Variants in HSPA12A observed in about 807,000 individuals in gnomAD.
HSPA12A encodes the protein heat shock protein family A (Hsp70) member 12A, also known as heat shock 70 kDa protein 12A.
A neutral mutation model predicts 69.2 loss-of-function variants in HSPA12A; 28 were observed. That is an observed-to-expected ratio of 0.40 (90% CI 0.30 to 0.55). The LOEUF (loss-of-function observed/expected upper bound fraction) is 0.55. HSPA12A is among the 20% of genes least tolerant of loss of function. The probability of loss-of-function intolerance (pLI) is 0.38; values close to 1 mark genes in which losing one functional copy is unlikely to be tolerated. For synonymous variants in HSPA12A, 345 were observed against 370.5 expected (o/e 0.93, Z 0.79); for missense variants, 686 against 900.7 (o/e 0.76, Z 3.05).
intron 2 of HSPA12A, among the ~76,000 whole-genome samples, chr10:116,801,685 T>C (rs1193791166): frequency 6.6e-6 from 1 of 152,100 alleles, no homozygotes; most frequent in African/African-American, 2.4e-5. Context: ...GTGGTAAGTT[T>C]AATAGCTTTG....
rs546989235 is a variant in HSPA12A, at chr10:116,834,078, T to C, written c.91+857A>G. Among the ~76,000 whole-genome samples the C allele has an allele frequency of 8.5e-5, 13 of 152,242 alleles. No individual in the cohort carries two copies. In the East Asian group the frequency reaches 2.3e-3, roughly 27 times the overall value. On this transcript the variant is annotated intron_variant, in intron 2 of 12. Coordinates refer to the HSPA12A transcript ENST00000635765. The stretch of plus-strand genomic sequence containing the variant: ...GGCAGCAGTAAAAGAAAAAGGATCA[T>C]AGAAGCGCTCAGATCTCGCCAGGCC...
intron 1 of HSPA12A, among the ~76,000 whole-genome samples, chr10:116,711,268 A>G (rs56148929): frequency 2.5e-3 from 384 of 152,298 alleles, no homozygotes; most frequent in Non-Finnish European, 3.0e-3. Context: ...GGGATAGTCC[A>G]GTTCAGTCCC....
intron 1 of HSPA12A, among the ~76,000 whole-genome samples, chr10:116,739,722 G>A (rs1003435951): frequency 6.6e-6 from 1 of 152,102 alleles, no homozygotes; most frequent in Non-Finnish European, 1.5e-5. Context: ...CCTCAAGTGT[G>A]GCCCTTCAGA....
At chr10:116,756,735 A>G (rs1223108510) in intron 2 of HSPA12A, among the ~76,000 whole-genome samples, 2 of 152,242 alleles carry the variant, frequency 1.3e-5, no homozygotes, top group Non-Finnish European at 2.9e-5. Flanking sequence ...TCATTTGTGC[A>G]CTAAAACAAG....
intron 1 of HSPA12A, among the ~76,000 whole-genome samples, chr10:116,712,518 G>C (rs1345202915): frequency 6.6e-6 from 1 of 152,098 alleles, no homozygotes. Flanking sequence ...CTTCATCTGG[G>C]TTCCTGCTGT....
intron 1 of HSPA12A, among the ~76,000 whole-genome samples, chr10:116,712,012 A>G (rs868936283): frequency 1.3e-5 from 2 of 152,042 alleles, no homozygotes; most frequent in African/African-American, 4.8e-5. Flanking sequence ...AAGAATGCAA[A>G]CTACTAGCCA....
At chr10:116,771,113 G>A (rs748650468) in intron 2 of HSPA12A, among the ~76,000 whole-genome samples, 1 of 152,286 alleles carries the variant, frequency 6.6e-6, no homozygotes, top group Non-Finnish European at 1.5e-5. Flanking sequence ...TCCCGAGTCT[G>A]TAGATGGAGA....
In HSPA12A at chr10:116,710,485, G is replaced by A. The variant is rs1367235736; in HGVS notation, c.41-3200C>T. ...TGGAACACATGTCTTGGGTCCCCAG[G>A]GGACTCTAGGATACTTTGAGGGCAA... On this transcript the variant is annotated intron_variant, in intron 1 of 11. Transcript: ENST00000369209. The surrounding 1 kb of genome is among the most constrained non-coding windows in gnomAD (Gnocchi z 4.1). 1.3e-5 allele frequency among the ~76,000 whole-genome samples: 2 copies of A among 152,060 alleles called. No homozygotes were observed. The highest frequency in any genetic ancestry group is 2.9e-5 in the Non-Finnish European group (2 of 68,018).
Position 116,672,519 on chromosome 10 carries a change from G to A in HSPA12A, c.*2262C>T, listed in dbSNP as rs138118199. Reference sequence around the variant, plus strand: ...CCCTAGGCACCTCTGTCTATTGCTCGGTCTTGCGTACATAGTCCATAGCTT... The same window carrying A: ...CCCTAGGCACCTCTGTCTATTGCTCAGTCTTGCGTACATAGTCCATAGCTT... On this transcript the variant is annotated 3_prime_UTR_variant, in exon 12 of 12. Coordinates refer to ENST00000369209, the MANE Select transcript of HSPA12A (RefSeq NM_025015.3). The A allele has an allele frequency of 3.3e-5, 5 of 152,396 alleles. No homozygotes were observed. Among genetic ancestry groups the A allele is most frequent in the African/African-American group, 1.2e-4 (5 of 41,544 alleles). 9.4% of individuals were successfully genotyped at this position (152,396 alleles called of 1,614,324 possible).
At chr10:116,780,697 C>A (rs113635656) in intron 2 of HSPA12A, among the ~76,000 whole-genome samples, 10 of 151,960 alleles carry the variant, frequency 6.6e-5, no homozygotes, top group Middle Eastern at 3.2e-3. Flanking sequence ...AATTATGATG[C>A]GTGCTTCTTC....
At chr10:116,742,586 G>A (rs1851551482), upstream of HSPA12A, 2 of 1,126,494 alleles carry the variant, frequency 1.8e-6, no homozygotes, top group Non-Finnish European at 2.2e-6. Context: ...GGCAGCGGGA[G>A]CGCTGCTCTG....
intron 1 of HSPA12A, among the ~76,000 whole-genome samples, chr10:116,741,665 C>G (rs1851511710): frequency 6.6e-6 from 1 of 152,112 alleles, no homozygotes; most frequent in Non-Finnish European, 1.5e-5. Flanking sequence ...CCCCCTTCCC[C>G]GTCCTCTCCG....
rs559545361 is a variant in HSPA12A at position 116,740,071 on chromosome 10, G to A, written c.40+2359C>T. ...AAAAACATTCTGGAAATCCTTCCCAGGAAGCACAACCATTTTTTTATGTCC... is the reference window on the plus strand; with the variant it reads ...AAAAACATTCTGGAAATCCTTCCCAAGAAGCACAACCATTTTTTTATGTCC... On this transcript the variant is annotated intron_variant, in intron 1 of 11. Coordinates refer to ENST00000369209, the MANE Select transcript of HSPA12A (RefSeq NM_025015.3). Among the ~76,000 whole-genome samples the A allele has an allele frequency of 4.6e-5, 7 of 152,318 alleles. No homozygotes were observed. The East Asian group carries it at 1.4e-3, about 29-fold the overall frequency.
intron 6 of HSPA12A, among the ~76,000 whole-genome samples, chr10:116,689,286 G>C (rs1325309233): frequency 7.2e-5 from 11 of 151,956 alleles, no homozygotes; most frequent in African/African-American, 2.7e-4. Context: ...AAGCCTGAAA[G>C]GAGGGGCTCC....
At chr10:116,793,748 T>C (rs1400732958) in intron 2 of HSPA12A, among the ~76,000 whole-genome samples, 3 of 150,970 alleles carry the variant, frequency 2.0e-5, no homozygotes, top group Non-Finnish European at 4.4e-5. Context: ...ACTAAAATAA[T>C]GGAAACAGAA....
chr10:116,691,838 C>A (rs1849746179), intron 6 of HSPA12A, among the ~76,000 whole-genome samples: 3 of 152,268 alleles, frequency 2.0e-5, no homozygotes, highest in Admixed American at 2.0e-4. Context: ...CAACACCCCC[C>A]CGCTGAGTGA....
rs782363366 is a variant in HSPA12A at position 116,675,354 on chromosome 10, G to A, written c.1455C>T (p.Ala485=). ...CCGCCTGCTGCAGCAGGGGCGCCTC[G>A]GCAAAGCCGCCCACCAGAAAGAGGA... is the stretch of plus-strand genomic sequence containing the variant. ...VKFLFLVGGF[A]EAPLLQQAVQ... Residue 485 remains alanine (A), a synonymous_variant, in exon 12 of 12, where the codon GCC becomes GCT. Transcript: ENST00000369209. The surrounding 1 kb of genome is among the most constrained non-coding windows in gnomAD (Gnocchi z 5.2). 32 of 1,611,664 alleles carry A rather than the reference G, an allele frequency of 2.0e-5. No homozygotes were observed. Among genetic ancestry groups the A allele is most frequent in the Middle Eastern group, 1.6e-4 (1 of 6,068 alleles).
chr10:116,773,999 G>A (rs1249635942), intron 2 of HSPA12A, among the ~76,000 whole-genome samples: 1 of 151,834 alleles, frequency 6.6e-6, no homozygotes, highest in Non-Finnish European at 1.5e-5. Context: ...GGGGGAACCT[G>A]CTCTGTGGCA....
chr10:116,748,271 T>A (rs1344209545), intron 2 of HSPA12A, among the ~76,000 whole-genome samples: 1 of 152,182 alleles, frequency 6.6e-6, no homozygotes, highest in Non-Finnish European at 1.5e-5. Flanking sequence ...GTCACAGTAT[T>A]TGCCTGGAGG....
Sources: gnomAD v4.1 joint callset for allele counts (sites outside exome capture counted in the v4.1 genomes callset) on GRCh38, gnomAD v4.1.1 for gene constraint, Gnocchi (gnomAD v3.1) non-coding constraint, MANE v1.5 for transcripts, NCBI Gene and HGNC (gene_info 2026-07-23, HGNC 2026-07-21) for gene names.